Variants in EPHB1 observed in about 807,000 individuals in gnomAD.
EPHB1 encodes EPH receptor B1.
Under a neutral mutation model 94.4 loss-of-function variants are expected in EPHB1, and 30 were observed. That is an observed-to-expected ratio of 0.32 (90% CI 0.24 to 0.43). The LOEUF is 0.43. Among genes scored for constraint, EPHB1 ranks in the 20% least tolerant of loss-of-function variants. The pLI is 1.00. For synonymous variants in EPHB1, 522 were observed against 489.1 expected (o/e 1.07, Z -0.89); for missense variants, 1,055 against 1,308.3 (o/e 0.81, Z 2.99).
intron 1 of EPHB1, among the ~76,000 whole-genome samples, chr3:134,800,824 A>AGG (rs552039178): frequency 6.6e-6 from 1 of 152,230 alleles, no homozygotes; most frequent in Non-Finnish European, 1.5e-5. Context: ...AAAACCTATC[A>AGG]GGTAGGTATT....
At chr3:135,248,824 G>T (rs1177479330) in intron 14 of EPHB1, among the ~76,000 whole-genome samples, 1 of 152,050 alleles carries the variant, frequency 6.6e-6, no homozygotes, top group African/African-American at 2.4e-5. Flanking sequence ...GAGATGTCAA[G>T]ATAGCACCCG....
intron 12 of EPHB1, among the ~76,000 whole-genome samples, chr3:135,222,217 TA>T (rs1420313488): frequency 6.6e-6 from 1 of 152,208 alleles, no homozygotes; most frequent in African/African-American, 2.4e-5. Flanking sequence ...TGGATCATAA[TA>T]AATATGTACA....
At chr3:135,113,172 C>A (rs547804106) in intron 4 of EPHB1, among the ~76,000 whole-genome samples, 1 of 152,312 alleles carries the variant, frequency 6.6e-6, no homozygotes, top group East Asian at 1.9e-4. Flanking sequence ...GGCCCCCGCC[C>A]CATGCTGGTA....
intron 6 of EPHB1, among the ~76,000 whole-genome samples, chr3:135,156,780 T>A (rs1052693321): frequency 6.6e-6 from 1 of 152,264 alleles, no homozygotes; most frequent in African/African-American, 2.4e-5. Flanking sequence ...GATTTAGGGC[T>A]CTTACTTGCT....
At chr3:135,042,619 T>C (rs999762160) in intron 3 of EPHB1, among the ~76,000 whole-genome samples, 1 of 152,192 alleles carries the variant, frequency 6.6e-6, no homozygotes, top group African/African-American at 2.4e-5. Context: ...GTCTTGCTTA[T>C]TGAGCTGAGT....
At chr3:134,955,071 C>CTTTTTTTTTTTTTTTTTTTTTTTTTTTTT (rs1197013147) in intron 3 of EPHB1, among the ~76,000 whole-genome samples, 2 of 8,416 alleles carry the variant, frequency 2.4e-4, no homozygotes, top group Non-Finnish European at 4.2e-4. Flanking sequence ...GACATCCTTT[C>CTTTTTTTTTTTTTTTTTTTTTTTTTTTTT]TTTTTTTTTT....
intron 6 of EPHB1, among the ~76,000 whole-genome samples, chr3:135,157,738 C>T (rs557245639): frequency 6.6e-6 from 1 of 152,256 alleles, no homozygotes; most frequent in East Asian, 1.9e-4. Context: ...CCTAAGACTA[C>T]CAAAGAAAAA....
At chr3:135,200,368 A>G (rs889059371) in intron 11 of EPHB1, among the ~76,000 whole-genome samples, 2 of 149,682 alleles carry the variant, frequency 1.3e-5, no homozygotes, top group Admixed American at 6.7e-5. Context: ...GCAGGTTGCC[A>G]TGAAGAGGAG....
At chr3:135,005,644 G>C (rs972517772) in intron 3 of EPHB1, among the ~76,000 whole-genome samples, 15 of 152,346 alleles carry the variant, frequency 9.8e-5, no homozygotes, top group African/African-American at 3.4e-4. Context: ...AGCCAGGTGC[G>C]GGATATAATC....
rs1240010820 is a variant in EPHB1, at chr3:135,172,401, C to CTGTCTGTGCA, written c.1759+5395_1759+5396insTGTCTGTGCA. On this transcript the variant is annotated intron_variant, in intron 9 of 15. Transcript: ENST00000398015. ...TCCAGCAAAGAGACAGTCTGCCTTG[C>CTGTCTGTGCA]AGGGAGGTGTGAGTTCTCTGTTCCT... Among the ~76,000 whole-genome samples the CTGTCTGTGCA allele has an allele frequency of 3.9e-5, 6 of 152,364 alleles. No homozygotes were observed. In the East Asian group the frequency reaches 1.2e-3, roughly 29 times the overall value.
At position 134,797,067 on chromosome 3, in the gene EPHB1, T is replaced by TCTG. The variant is rs539472799; in HGVS notation, c.58+1379_58+1380insTGC. Among the ~76,000 whole-genome samples, 202 of 152,332 alleles carry TCTG rather than the reference T, an allele frequency of 1.3e-3. 1 individual carries two copies. Among genetic ancestry groups the TCTG allele is most frequent in the South Asian group, 8.5e-3 (41 of 4,826 alleles). On this transcript the variant is annotated intron_variant, in intron 1 of 15. Transcript: ENST00000398015. ...TTCCCTTTTGGCGAAGACCACCGCATCCCACGTTTGTTCTGGTGGCGGCGT... is the reference window on the plus strand; with the variant it reads ...TTCCCTTTTGGCGAAGACCACCGCATCTGCCCACGTTTGTTCTGGTGGCGGCGT...
chr3:134,883,129 T>A (rs1174762192), intron 1 of EPHB1, among the ~76,000 whole-genome samples: 2 of 152,192 alleles, frequency 1.3e-5, no homozygotes, highest in Non-Finnish European at 2.9e-5. Flanking sequence ...GCTTTGCAAT[T>A]AAGCTTTCTT....
chr3:134,911,236 T>G (rs1408535402), intron 1 of EPHB1, among the ~76,000 whole-genome samples: 1 of 152,024 alleles, frequency 6.6e-6, no homozygotes, highest in Non-Finnish European at 1.5e-5. Context: ...AGCCCATGGG[T>G]GAGAGTGAAG....
At chr3:134,997,499 T>C (rs763604092) in intron 3 of EPHB1, among the ~76,000 whole-genome samples, 4 of 152,190 alleles carry the variant, frequency 2.6e-5, no homozygotes, top group Non-Finnish European at 4.4e-5. Flanking sequence ...TGGTTCTTCA[T>C]TCTCTCTGTT....
At chr3:134,956,542 G>A (rs1422178441) in intron 3 of EPHB1, among the ~76,000 whole-genome samples, 2 of 152,144 alleles carry the variant, frequency 1.3e-5, no homozygotes, top group Non-Finnish European at 2.9e-5. Context: ...GTCTGGGGCT[G>A]TCATGCACAG....
At chr3:135,182,532 AAC>A (rs1942184153) in intron 10 of EPHB1, among the ~76,000 whole-genome samples, 2 of 152,324 alleles carry the variant, frequency 1.3e-5, no homozygotes, top group Admixed American at 1.3e-4. Context: ...TCAGGCCAGT[AAC>A]AGTTAATTAT....
chr3:135,230,061 G>T (rs1021791753), intron 12 of EPHB1, among the ~76,000 whole-genome samples: 1 of 152,196 alleles, frequency 6.6e-6, no homozygotes, highest in Non-Finnish European at 1.5e-5. Flanking sequence ...TGGGGCTGAG[G>T]GTGGGCAGCA....
At chr3:135,044,946 C>G (rs1360912586) in intron 3 of EPHB1, among the ~76,000 whole-genome samples, 1 of 152,086 alleles carries the variant, frequency 6.6e-6, no homozygotes, top group African/African-American at 2.4e-5. Flanking sequence ...TCAGGCATCT[C>G]AGAATCAAGG....
intron 9 of EPHB1, 139 bp from the exon 10 acceptor site, chr3:135,179,721 G>A: frequency 1.1e-6 from 1 of 906,600 alleles, no homozygotes; most frequent in Non-Finnish European, 1.7e-6. Flanking sequence ...AGCAAGAGGA[G>A]GAGAGGCAGA....
Sources: gnomAD v4.1 joint callset for allele counts (sites outside exome capture counted in the v4.1 genomes callset) on GRCh38, gnomAD v4.1.1 for gene constraint, MANE v1.5 for transcripts, NCBI Gene and HGNC (gene_info 2026-07-23, HGNC 2026-07-21) for gene names.